The following PABPC4L variants were observed in gnomAD, a reference collection of about 807,000 sequenced individuals.
The protein encoded by PABPC4L is polyadenylate-binding protein 4-like.
For missense variants in PABPC4L, 452 were observed against 451.4 expected, an observed-to-expected ratio of 1.00 and a Z score of -0.01; for synonymous variants, 169 against 164.1, an observed-to-expected ratio of 1.03 and a Z score of -0.23.
chr4:134,143,301 CAT>C, the PABPC4L span, among the ~76,000 whole-genome samples: 5 of 149,440 alleles, frequency 3.3e-5, no homozygotes, highest in African/African-American at 1.2e-4. Flanking sequence ...TATGTGTGTA[CAT>C]ATGTAATATT....
chr4:134,185,414 T>C, the PABPC4L span, among the ~76,000 whole-genome samples: 1 of 152,074 alleles, frequency 6.6e-6, no homozygotes, highest in Non-Finnish European at 1.5e-5. Context: ...ATCCATCATA[T>C]AAACAGAACC....
the PABPC4L span, among the ~76,000 whole-genome samples, chr4:134,186,863 C>T: frequency 6.6e-6 from 1 of 151,972 alleles, no homozygotes; most frequent in Non-Finnish European, 1.5e-5. Flanking sequence ...TCAAACAACC[C>T]CATCAAAAAG....
the PABPC4L span, among the ~76,000 whole-genome samples, chr4:134,144,094 C>A: frequency 6.6e-6 from 1 of 151,488 alleles, no homozygotes; most frequent in Admixed American, 6.6e-5. Context: ...TATCAGAATT[C>A]AAGACTTACT....
the PABPC4L span, among the ~76,000 whole-genome samples, chr4:134,042,467 T>G: frequency 6.6e-6 from 1 of 152,222 alleles, no homozygotes; most frequent in Non-Finnish European, 1.5e-5. Flanking sequence ...TAATAACATG[T>G]ATTGACAATT....
chr4:134,199,868 C>T lies in PABPC4L; in HGVS notation c.*39G>A. 1 of 1,544,012 alleles carries T rather than the reference C, an allele frequency of 6.5e-7. No homozygotes were observed. The highest frequency in any genetic ancestry group is 8.7e-7 in the Non-Finnish European group (1 of 1,144,890). On this transcript the variant is annotated 3_prime_UTR_variant, in exon 2 of 2. Coordinates refer to ENST00000421491, the MANE Select transcript of PABPC4L (RefSeq NM_001114734.2). ...GCAGAGATCACTATCATTCTCCCAC[C>T]TGCTGCAGATACTAGCTGGAAAGGT...
At chr4:134,113,125 T>C in the PABPC4L span, among the ~76,000 whole-genome samples, 1 of 152,024 alleles carries the variant, frequency 6.6e-6, no homozygotes, top group Non-Finnish European at 1.5e-5. Flanking sequence ...GATTGTGTTT[T>C]AAGCTAAGTG....
chr4:134,052,865 T>C, the PABPC4L span, among the ~76,000 whole-genome samples: 1 of 152,134 alleles, frequency 6.6e-6, no homozygotes, highest in Non-Finnish European at 1.5e-5. Context: ...TAAGTTTTAG[T>C]TTTATATTTT....
chr4:133,998,446 A>G, the PABPC4L span, among the ~76,000 whole-genome samples: 2 of 151,646 alleles, frequency 1.3e-5, no homozygotes, highest in African/African-American at 2.4e-5. Context: ...TTCTATTCAT[A>G]GTTTTATATA....
chr4:134,122,217 G>T, the PABPC4L span, among the ~76,000 whole-genome samples: 1 of 151,506 alleles, frequency 6.6e-6, no homozygotes, highest in African/African-American at 2.4e-5. Context: ...TATCAAATCA[G>T]CGTTCATTTC....
At chr4:133,978,058 G>A in the PABPC4L span, 1 of 152,234 alleles carries the variant, frequency 6.6e-6, no homozygotes, top group Admixed American at 6.5e-5. Context: ...CAGGACATAT[G>A]TATAAATAAC....
At chr4:134,085,835 G>A in the PABPC4L span, among the ~76,000 whole-genome samples, 1 of 151,914 alleles carries the variant, frequency 6.6e-6, no homozygotes, top group African/African-American at 2.4e-5. Flanking sequence ...TTTCAGTTTG[G>A]GACTATTGTG....
chr4:134,098,910 A>G, the PABPC4L span, among the ~76,000 whole-genome samples: 5 of 151,662 alleles, frequency 3.3e-5, no homozygotes, highest in African/African-American at 1.2e-4. Flanking sequence ...AGAACTGAGA[A>G]CTGACTGTCG....
chr4:134,131,714 C>CAAAAAAAAAAAAAAAAAAA, the PABPC4L span, among the ~76,000 whole-genome samples: 1 of 10,670 alleles, frequency 9.4e-5, no homozygotes, highest in African/African-American at 4.8e-4. Context: ...CCTGTGAAAC[C>CAAAAAAAAAAAAAAAAAAA]AAAAAAAAAA....
chr4:134,113,824 C>T, the PABPC4L span, among the ~76,000 whole-genome samples: 1 of 151,518 alleles, frequency 6.6e-6, no homozygotes, highest in Non-Finnish European at 1.5e-5. Context: ...TGTATAAAGG[C>T]CCAGAGGAAT....
At chr4:133,995,984 C>T in the PABPC4L span, among the ~76,000 whole-genome samples, 2 of 152,128 alleles carry the variant, frequency 1.3e-5, no homozygotes, top group African/African-American at 4.8e-5. Context: ...GAAATAGGTT[C>T]ATACACCTGA....
At chr4:134,046,381 G>A in the PABPC4L span, among the ~76,000 whole-genome samples, 7 of 151,940 alleles carry the variant, frequency 4.6e-5, no homozygotes, top group East Asian at 1.9e-4. Flanking sequence ...CAGCATTGCC[G>A]CCAGCATATT....
chr4:134,153,797 G>A, the PABPC4L span, among the ~76,000 whole-genome samples: 1 of 144,838 alleles, frequency 6.9e-6, no homozygotes, highest in Non-Finnish European at 1.5e-5. Context: ...CCGGGCATGT[G>A]CCCCTATGCC....
the PABPC4L span, among the ~76,000 whole-genome samples, chr4:134,032,623 A>G: frequency 2.0e-5 from 3 of 151,910 alleles, no homozygotes; most frequent in East Asian, 5.8e-4. Context: ...AGTAAGCAAA[A>G]AAATAGTTTA....
At chr4:134,057,241 C>T in the PABPC4L span, among the ~76,000 whole-genome samples, 2 of 151,972 alleles carry the variant, frequency 1.3e-5, no homozygotes, top group African/African-American at 4.8e-5. Flanking sequence ...GCCTCTGAGC[C>T]TTTTTGTTTA....
Sources: allele counts gnomAD v4.1 joint callset (sites outside exome capture counted in the v4.1 genomes callset), GRCh38; gene constraint gnomAD v4.1.1; transcripts MANE v1.5; gene names NCBI Gene and HGNC (gene_info 2026-07-23, HGNC 2026-07-21).